The following CLSPN variants were observed in gnomAD, a reference collection of about 807,000 sequenced individuals.
CLSPN encodes the protein claspin.
CLSPN carries 85 observed loss-of-function variants against 156.3 expected under a neutral mutation model. That is an observed-to-expected ratio of 0.54 (90% confidence interval 0.46 to 0.65). The LOEUF is 0.65. CLSPN is among the 30% of genes least tolerant of loss of function. The pLI is 0.00. For missense variants in CLSPN, 1,407 were observed against 1,554.9 expected (o/e 0.90, Z 1.60); for synonymous variants, 534 against 542.4 (o/e 0.98, Z 0.22).
chr1:35,752,407 A>G (rs994792789), intron 9 of CLSPN, among the ~76,000 whole-genome samples: 1 of 151,982 alleles, frequency 6.6e-6, no homozygotes, highest in African/African-American at 2.4e-5. Flanking sequence ...GCGAAACTTC[A>G]TCTCTACTAA....
chr1:35,753,989 CT>C (rs1174882979), intron 8 of CLSPN, 53 bp from the exon 9 acceptor site: 2 of 1,546,146 alleles, frequency 1.3e-6, no homozygotes, highest in East Asian at 2.3e-5. Flanking sequence ...AAACTCTTTC[CT>C]TTAAGACTTA....
rs757224851 is a variant in CLSPN, at chr1:35,736,526, C to T, written c.3990G>A (p.Thr1330=). The T allele has an allele frequency of 1.4e-5, 23 of 1,607,988 alleles. No homozygotes were observed. The highest frequency in any genetic ancestry group is 3.4e-5 in the South Asian group (3 of 89,548). The change falls in exon 25 of 25, where the codon ACG becomes ACA. Residue 1330 remains threonine (T), a synonymous_variant. Coordinates refer to ENST00000318121, the MANE Select transcript of CLSPN (RefSeq NM_022111.4). ...LKTDDSTSGL[T]RSIFKYLES ...TCTCCAAATATTTGAAGATGCTTCG[C>T]GTCAATCCTGAAGTGCTATCATCTG... is the stretch of plus-strand genomic sequence containing the variant.
rs528850632 is a variant in CLSPN at position 35,724,489 on chromosome 1, G to A, written c.3910-3509C>T. On this transcript the variant is annotated intron_variant, in intron 24 of 24. Transcript: ENST00000251195. ...TCCTGGGGACAGCAGGGAAGTAACT[G>A]AGGAAGCCCTCAGAGTTTCCATATC... Among the ~76,000 whole-genome samples the A allele has an allele frequency of 2.6e-5, 4 of 152,304 alleles. No individual in the cohort carries two copies. In the East Asian group the frequency reaches 7.7e-4, roughly 29 times the overall value.
downstream of CLSPN, among the ~76,000 whole-genome samples, chr1:35,728,921 AAC>A (rs58348673): frequency 0.034 from 2,932 of 85,032 alleles, 105 homozygotes; most frequent in East Asian, 0.061. Context: ...CCTCCCCTCA[AAC>A]ACACACACAC....
Position 35,739,150 on chromosome 1 carries a change from C to A in CLSPN, c.3416G>T (p.Arg1139Leu). The A allele has an allele frequency of 6.2e-7, 1 of 1,614,094 alleles. No homozygotes were observed. The highest frequency in any genetic ancestry group is 2.2e-5 in the East Asian group (1 of 44,870). ...AACCAAGATACCTATGTTTTTCCATCGAAACTTCCTCATTCGCCCAGGACC... is the reference window on the plus strand; with the variant it reads ...AACCAAGATACCTATGTTTTTCCATAGAAACTTCCTCATTCGCCCAGGACC... Reference protein sequence around the residue: ...SDGPGRMRKFRWKNIDDASQM... With the variant: ...SDGPGRMRKFLWKNIDDASQM... The change falls in exon 20 of 25, where the codon CGA becomes CTA. Residue 1139 changes from arginine (R) to leucine (L), a missense_variant. Transcript: ENST00000318121.
chr1:35,737,288 C>A (rs1488642115), intron 23 of CLSPN, 51 bp downstream of exon 23: 4 of 1,495,966 alleles, frequency 2.7e-6, no homozygotes, highest in South Asian at 2.3e-5. Context: ...TGGACCTGGG[C>A]CTTTATAACC....
chr1:35,744,678 G>A (rs79419570), intron 16 of CLSPN, among the ~76,000 whole-genome samples: 6,528 of 152,204 alleles, frequency 0.043, 203 homozygotes, highest in South Asian at 0.065. Context: ...AACATAGGTC[G>A]CTTTCATGTT....
In CLSPN at chr1:35,747,010, C is replaced by A. The variant is rs74467142; in HGVS notation, c.2628-18G>T. 4 of 1,595,370 alleles carry A rather than the reference C, an allele frequency of 2.5e-6. No individual in the cohort carries two copies. The highest frequency in any genetic ancestry group is 3.4e-6 in the Non-Finnish European group (4 of 1,163,550). On this transcript the variant is annotated intron_variant, in intron 14 of 24. Coordinates refer to ENST00000318121, the MANE Select transcript of CLSPN (RefSeq NM_022111.4). ...TTAAGAACCTAAGAACCAATGAGCACAACGAATAGTGTAAAAAATTCCTCA... is the reference window on the plus strand; with the variant it reads ...TTAAGAACCTAAGAACCAATGAGCAAAACGAATAGTGTAAAAAATTCCTCA...
intron 8 of CLSPN, among the ~76,000 whole-genome samples, chr1:35,755,050 G>C (rs1476923404): frequency 6.6e-6 from 1 of 152,086 alleles, no homozygotes; most frequent in Non-Finnish European, 1.5e-5. Flanking sequence ...AGTTCCTTTG[G>C]AGTTGATGCA....
chr1:35,733,671 G>C lies in CLSPN; in HGVS notation c.*2825C>G, dbSNP rs1360442929. 1.0e-6 allele frequency: 1 copy of C among 985,282 alleles called. No homozygotes were observed. The highest frequency in any genetic ancestry group is 1.1e-4 in the East Asian group (1 of 8,822). The allele number at this position is 985,282 out of a possible 1,614,324, so 61.0% of individuals were successfully genotyped here. On this transcript the variant is annotated 3_prime_UTR_variant, in exon 25 of 25. Transcript: ENST00000318121. ...TGAAGTACATACAAACTTAGCTAAA[G>C]AGAAAGGCCAATCAAAGCTGTAACA...
chr1:35,730,822 T>G (rs568187443), downstream of CLSPN, among the ~76,000 whole-genome samples: 71 of 151,964 alleles, frequency 4.7e-4, no homozygotes, highest in African/African-American at 1.7e-3. Context: ...ATCGTGCTAC[T>G]GCACTCACTC....
downstream of CLSPN, among the ~76,000 whole-genome samples, chr1:35,727,828 G>A (rs2148607365): frequency 6.6e-6 from 1 of 152,222 alleles, no homozygotes; most frequent in East Asian, 1.9e-4. Flanking sequence ...AGCTTTCACA[G>A]TCCAATGACA....
intron 16 of CLSPN, among the ~76,000 whole-genome samples, chr1:35,743,978 T>C (rs374585120): frequency 1.3e-5 from 2 of 152,222 alleles, no homozygotes; most frequent in South Asian, 4.1e-4. Flanking sequence ...AAGAAAATTT[T>C]TTAAATTTTC....
In CLSPN at chr1:35,737,650, T is replaced by C. The variant is rs570570704; in HGVS notation, c.3665-229A>G. 8.4e-6 allele frequency: 4 copies of C among 478,440 alleles called. No individual in the cohort carries two copies. The South Asian group carries it at 1.6e-4, about 19-fold the overall frequency. The allele number at this position is 478,440 out of a possible 1,614,324, so 29.6% of individuals were successfully genotyped here. A position where few individuals can be genotyped will look rare whatever the true frequency, so the allele number is the denominator to read the frequency against. On this transcript the variant is annotated intron_variant, in intron 22 of 24. Coordinates refer to ENST00000318121, the MANE Select transcript of CLSPN (RefSeq NM_022111.4). ...CAGAAGTGGTCAGTGTAGGGAATAGTGAAGAGCTTCATTTCTGGAGTTAAA... is the reference window on the plus strand; with the variant it reads ...CAGAAGTGGTCAGTGTAGGGAATAGCGAAGAGCTTCATTTCTGGAGTTAAA...
intron 17 of CLSPN, 83 bp from the exon 18 acceptor site, chr1:35,743,324 T>C: frequency 2.2e-6 from 3 of 1,360,634 alleles, no homozygotes; most frequent in Non-Finnish European, 3.1e-6. Context: ...TCTGCCCAAA[T>C]ACCTCATTCT....
At position 35,752,305 on chromosome 1, in the gene CLSPN, C is replaced by T. The variant is rs1042482969; in HGVS notation, c.1772-799G>A. Among the ~76,000 whole-genome samples the T allele has an allele frequency of 2.4e-4, 37 of 152,052 alleles. 1 individual carries two copies. Among genetic ancestry groups the T allele is most frequent in the Admixed American group, 2.3e-3 (35 of 15,254 alleles). On this transcript the variant is annotated intron_variant, in intron 9 of 24. Coordinates refer to ENST00000318121, the MANE Select transcript of CLSPN (RefSeq NM_022111.4). Reference sequence around the variant, plus strand: ...TTTTAAAAAAAGCCTCAAGGCCGGGCGCAGTGACTCACGCCTGTAATCCCA... The same window carrying T: ...TTTTAAAAAAAGCCTCAAGGCCGGGTGCAGTGACTCACGCCTGTAATCCCA...
Position 35,734,760 on chromosome 1 carries a change from A to T in CLSPN, c.*1736T>A. On this transcript the variant is annotated 3_prime_UTR_variant, in exon 25 of 25. Coordinates refer to ENST00000318121, the MANE Select transcript of CLSPN (RefSeq NM_022111.4). Reference sequence around the variant, plus strand: ...TGTAAAAAACCTACAACCTAATTGCATCAATTAAATTGGTGTTCCCATCTC... The same window carrying T: ...TGTAAAAAACCTACAACCTAATTGCTTCAATTAAATTGGTGTTCCCATCTC... 4 of 984,488 alleles carry T rather than the reference A, an allele frequency of 4.1e-6. No individual in the cohort carries two copies. Among genetic ancestry groups the T allele is most frequent in the Non-Finnish European group, 4.8e-6 (4 of 829,112 alleles). The allele number at this position is 984,488 out of a possible 1,614,324, so 61.0% of individuals were successfully genotyped here.
At position 35,760,871 on chromosome 1, in the gene CLSPN, A is replaced by T; in HGVS notation, c.1050T>A (p.Thr350=). 1 of 1,613,922 alleles carries T rather than the reference A, an allele frequency of 6.2e-7. No homozygotes were observed. Among genetic ancestry groups the T allele is most frequent in the Non-Finnish European group, 8.5e-7 (1 of 1,179,872 alleles). The change falls in exon 8 of 25, where the codon ACT becomes ACA. Residue 350 remains threonine (T), a synonymous_variant. Coordinates refer to ENST00000318121, the MANE Select transcript of CLSPN (RefSeq NM_022111.4). ...QSSHHKEIID[T]ANTTEMNSDH... ...CACTGTTCATTTCAGTAGTATTTGC[A>T]GTGTCTATGATTTCTTTGTGATGGC... is the stretch of plus-strand genomic sequence containing the variant.
intron 12 of CLSPN, chr1:35,748,817 G>GTT: frequency 3.2e-5 from 11 of 346,862 alleles, no homozygotes; most frequent in South Asian, 4.7e-5. Flanking sequence ...ACACTTGAAA[G>GTT]TTCTTTTTTT....
Sources: allele counts gnomAD v4.1 joint callset (sites outside exome capture counted in the v4.1 genomes callset), GRCh38; gene constraint gnomAD v4.1.1; transcripts MANE v1.5; gene names NCBI Gene and HGNC (gene_info 2026-07-23, HGNC 2026-07-21).